The following PCDHA10 variants were observed in gnomAD, a reference collection of about 807,000 sequenced individuals.
The protein encoded by PCDHA10 is protocadherin alpha 10, also known as protocadherin alpha-10.
Under a neutral mutation model 61.2 loss-of-function variants are expected in PCDHA10, and 45 were observed. The ratio of observed to expected loss-of-function variants is 0.74; its 90% CI spans 0.58 to 0.94. The LOEUF is 0.94. Among genes scored for constraint, PCDHA10 ranks in the 40% least tolerant of loss-of-function variants. The pLI is 0.00. For missense variants in PCDHA10, 1,278 were observed against 1,236.2 expected (o/e 1.03, Z -0.51); for synonymous variants, 602 against 548.8 (o/e 1.10, Z -1.35).
At chr5:140,927,906 C>G (rs116016831) in intron 1 of PCDHA10, 1 of 1,614,180 alleles carries the variant, frequency 6.2e-7, no homozygotes, top group Non-Finnish European at 8.5e-7. Flanking sequence ...ATCATGCCCC[C>G]GAACTGGACT....
intron 3 of PCDHA10, among the ~76,000 whole-genome samples, chr5:140,985,770 C>T (rs1456292041): frequency 1.5e-5 from 2 of 132,222 alleles, no homozygotes; most frequent in African/African-American, 2.8e-5. Flanking sequence ...GAGACAGTCT[C>T]GCTCTGTCGC....
chr5:140,979,947 A>G (rs781881758), intron 2 of PCDHA10, among the ~76,000 whole-genome samples: 4 of 152,258 alleles, frequency 2.6e-5, no homozygotes, highest in African/African-American at 4.8e-5. Context: ...AGTTAATGTG[A>G]AATTAGTTTT....
intron 3 of PCDHA10, among the ~76,000 whole-genome samples, chr5:140,993,156 A>G (rs2097543367): frequency 6.6e-6 from 1 of 152,188 alleles, no homozygotes; most frequent in Admixed American, 6.5e-5. Context: ...TGGATTCTAA[A>G]TATTTGCCTT....
intron 1 of PCDHA10, among the ~76,000 whole-genome samples, chr5:140,912,990 T>C (rs2076154668): frequency 6.6e-6 from 1 of 152,198 alleles, no homozygotes; most frequent in African/African-American, 2.4e-5. Context: ...GAATTCAGTT[T>C]GCTAGTATTT....
chr5:140,907,914 T>A (rs2073690399), intron 1 of PCDHA10, among the ~76,000 whole-genome samples: 4 of 152,242 alleles, frequency 2.6e-5, no homozygotes, highest in Admixed American at 1.3e-4. Context: ...TTTTGACCAC[T>A]CAGAGAGGTC....
chr5:140,939,789 A>G (rs1259994967), intron 1 of PCDHA10, among the ~76,000 whole-genome samples: 1 of 152,246 alleles, frequency 6.6e-6, no homozygotes, highest in Non-Finnish European at 1.5e-5. Context: ...GTCAATTTCT[A>G]TAAATGTTCT....
In PCDHA10 at chr5:140,857,758, C is replaced by T. The variant is rs1562528719; in HGVS notation, c.1710C>T (p.Gly570=). The change falls in exon 1 of 4, where the codon GGC becomes GGT. Residue 570 remains glycine, a synonymous_variant. Transcript: ENST00000307360. The part of the protein sequence containing the change: ...NAPALLASPA[G]SAGGAVSELV... ...CCGCGCTGCTGGCGTCTCCCGCTGG[C>T]AGCGCGGGCGGTGCAGTCAGTGAGC... The T allele has an allele frequency of 1.3e-6, 2 of 1,597,374 alleles. No individual in the cohort carries two copies. The highest frequency in any genetic ancestry group is 1.7e-5 in the Admixed American group (1 of 59,262).
rs782671299 is a variant in PCDHA10 at position 140,857,730 on chromosome 5, C to T, written c.1682C>T (p.Ala561Val). The part of the protein sequence containing the change: ...QVFVLDENDN[A>V]PALLASPAGS... ...TTCGTGCTGGACGAGAACGACAACG[C>T]TCCCGCGCTGCTGGCGTCTCCCGCT... is the stretch of plus-strand genomic sequence containing the variant. Residue 561 changes from alanine (A) to valine (V), a missense_variant, in exon 1 of 4, where the codon GCT becomes GTT. By Grantham distance (64) the Ala-to-Val change is moderately conservative (BLOSUM62 0). Transcript: ENST00000307360. 1 of 1,597,474 alleles carries T rather than the reference C, an allele frequency of 6.3e-7. No homozygotes were observed.
At chr5:140,967,405 G>A in intron 1 of PCDHA10, 1 of 1,612,164 alleles carries the variant, frequency 6.2e-7, no homozygotes, top group Non-Finnish European at 8.5e-7. Context: ...TGCTGCGTAA[G>A]GGCCTAGACC....
chr5:140,966,409 G>C (rs1234170283), intron 1 of PCDHA10: 1 of 419,144 alleles, frequency 2.4e-6, no homozygotes, highest in African/African-American at 2.1e-5. Context: ...CGCGGAATCA[G>C]AGCAGGACTT....
chr5:140,917,574 A>AT (rs2078267630), intron 1 of PCDHA10, among the ~76,000 whole-genome samples: 2 of 152,154 alleles, frequency 1.3e-5, no homozygotes, highest in Non-Finnish European at 2.9e-5. Context: ...TCTCAGGCTG[A>AT]TTTTTGTTCA....
At chr5:140,861,768 T>TACAA (rs2047071882) in intron 1 of PCDHA10, 1 of 158,832 alleles carries the variant, frequency 6.3e-6, no homozygotes, top group Non-Finnish European at 1.4e-5. Flanking sequence ...TCCCTGGAAA[T>TACAA]ACCAAGAGCA....
rs570308036 is a variant in PCDHA10 at position 140,863,611 on chromosome 5, C to T, written c.2388+5175C>T. 129 of 339,126 alleles carry T rather than the reference C, an allele frequency of 3.8e-4. 2 individuals are homozygous for T. The highest frequency in any genetic ancestry group is 3.0e-3 in the South Asian group (124 of 41,340). The allele number at this position is 339,126 out of a possible 1,614,324, so 21.0% of individuals were successfully genotyped here. A position where few individuals can be genotyped will look rare whatever the true frequency, so the allele number is the denominator to read the frequency against. On this transcript the variant is annotated intron_variant, in intron 1 of 3. Coordinates refer to ENST00000307360, the MANE Select transcript of PCDHA10 (RefSeq NM_018901.4). ...AAGTATTTCATTCCTATTAATGTCC[C>T]TCATAGTGACATTGATAATGTTCAC...
intron 1 of PCDHA10, among the ~76,000 whole-genome samples, chr5:140,946,184 C>T (rs2093899107): frequency 6.6e-6 from 1 of 151,990 alleles, no homozygotes; most frequent in African/African-American, 2.4e-5. Context: ...TGTGAATAGA[C>T]ATTTCTCAAA....
intron 1 of PCDHA10, among the ~76,000 whole-genome samples, chr5:140,933,393 C>G (rs1419190705): frequency 2.6e-5 from 4 of 151,956 alleles, no homozygotes; most frequent in Admixed American, 1.3e-4. Context: ...CTAGAGCCAT[C>G]TGGTTACCAT....
In PCDHA10 at chr5:140,876,565, G is replaced by C. The variant is rs371696514; in HGVS notation, c.2388+18129G>C. 63 of 1,614,064 alleles carry C rather than the reference G, an allele frequency of 3.9e-5. No homozygotes were observed. In the Middle Eastern group the frequency reaches 4.9e-4, roughly 13 times the overall value. On this transcript the variant is annotated intron_variant, in intron 1 of 3. Transcript: ENST00000307360. ...GCTCCCTGTGCAAGAGGATGCTCAG[G>C]TGGGTACCGTCATTGCCCTGATTAG...
chr5:140,994,281 G>T (rs2097610222), intron 3 of PCDHA10, among the ~76,000 whole-genome samples: 1 of 152,144 alleles, frequency 6.6e-6, no homozygotes. Flanking sequence ...CCTTTCTTGA[G>T]ACAGTCCCCA....
chr5:140,906,377 A>G (rs1322510294), intron 1 of PCDHA10, among the ~76,000 whole-genome samples: 3 of 152,264 alleles, frequency 2.0e-5, no homozygotes, highest in Admixed American at 6.5e-5. Flanking sequence ...ATGCTATTAC[A>G]TAAAGTTAAC....
At chr5:140,924,872 G>C (rs1161649938) in intron 1 of PCDHA10, among the ~76,000 whole-genome samples, 1 of 149,350 alleles carries the variant, frequency 6.7e-6, no homozygotes, top group Non-Finnish European at 1.5e-5. Context: ...TCCAGCCTGG[G>C]TGACAGAGCA....
Sources: allele counts gnomAD v4.1 joint callset (sites outside exome capture counted in the v4.1 genomes callset), GRCh38; gene constraint gnomAD v4.1.1; transcripts MANE v1.5; gene names NCBI Gene and HGNC (gene_info 2026-07-23, HGNC 2026-07-21).